MOBP: variants seen among roughly 807,000 people sequenced by gnomAD.
MOBP encodes myelin-associated oligodendrocyte basic protein.
A neutral mutation model predicts 15.0 loss-of-function variants in MOBP; 5 were observed. The observed-to-expected ratio is 0.33, with a 90% CI of 0.17 to 0.70. The LOEUF is 0.70. Ranked by LOEUF, MOBP falls within the 30% of genes least tolerant of loss-of-function variation. The probability of loss-of-function intolerance (pLI) is 0.67; values close to 1 mark genes in which losing one functional copy is unlikely to be tolerated. For missense variants in MOBP, 188 were observed against 257.8 expected (o/e 0.73, Z 1.85); for synonymous variants, 88 against 99.0 (o/e 0.89, Z 0.66).
intron 2 of MOBP, among the ~76,000 whole-genome samples, chr3:39,492,400 T>C (rs559560570): frequency 1.1e-4 from 17 of 152,262 alleles, no homozygotes; most frequent in East Asian, 1.9e-4. Context: ...GAAATAGTCA[T>C]GTTAGGGAAC....
chr3:39,509,244 T>C (rs581691), intron 4 of MOBP, among the ~76,000 whole-genome samples: 46,858 of 152,028 alleles, frequency 0.31, 9,473 homozygotes, highest in African/African-American at 0.58. Flanking sequence ...GGGTAAATAA[T>C]TGGGACTGGT....
Position 39,502,538 on chromosome 3 carries a change from C to T in MOBP, c.210C>T (p.Thr70=), listed in dbSNP as rs1252865772. The change falls in exon 4 of 4, where the codon ACC becomes ACT. Residue 70 remains threonine, a synonymous_variant. Coordinates refer to ENST00000684792, the MANE Select transcript of MOBP (RefSeq NM_001393704.1). The surrounding 1 kb of genome is among the most constrained non-coding windows in gnomAD (Gnocchi z 6.3). ...CAGCTTCTTTTGGCCCTCTCAGAAC[C>T]AGCCGCCGTGCCAAGTCCCCTCAGA... ...WICCACQKTR[T]SRRAKSPQRP... is the part of the protein sequence containing the mutation. 1.3e-6 allele frequency: 2 copies of T among 1,577,392 alleles called. No homozygotes were observed. Among genetic ancestry groups the T allele is most frequent in the South Asian group, 1.1e-5 (1 of 87,414 alleles).
rs561769963 is a variant in MOBP at position 39,482,708 on chromosome 3, C to T, written c.-5+2585C>T. 1.5e-4 allele frequency among the ~76,000 whole-genome samples: 22 copies of T among 150,750 alleles called. No individual in the cohort carries two copies. In the South Asian group the frequency reaches 3.8e-3, roughly 26 times the overall value. On this transcript the variant is annotated intron_variant, in intron 2 of 3. Coordinates refer to ENST00000684792, the MANE Select transcript of MOBP (RefSeq NM_001393704.1). ...TATGACATATTTCTACTTTAATATC[C>T]TTCAGTATATTAAGGATTTCCCTCC...
At chr3:39,475,994 G>A (rs534343594) in intron 1 of MOBP, among the ~76,000 whole-genome samples, 2 of 152,308 alleles carry the variant, frequency 1.3e-5, no homozygotes, top group East Asian at 3.9e-4. Context: ...GAAAAAAGAA[G>A]CTTAGTTGGC....
At chr3:39,513,720 C>T in exon 5 of MOBP, 1 of 383,492 alleles carries the variant, frequency 2.6e-6, no homozygotes, top group Non-Finnish European at 4.6e-6. Context: ...CCTTTCTTCT[C>T]CAGGATATGC....
At position 39,492,981 on chromosome 3, in the gene MOBP, T is replaced by G. The variant is rs114869599; in HGVS notation, c.-4-9085T>G. Among the ~76,000 whole-genome samples, 868 of 152,296 alleles carry G rather than the reference T, an allele frequency of 5.7e-3. 6 individuals carry two copies. The highest frequency in any genetic ancestry group is 0.01 in the Middle Eastern group (3 of 294). ...TCTATACCCGTTTGCATGTCTGACT[T>G]CCTGTGATACCATGCAGATATGAAG... is the stretch of plus-strand genomic sequence containing the variant. On this transcript the variant is annotated intron_variant, in intron 2 of 3. Coordinates refer to ENST00000684792, the MANE Select transcript of MOBP (RefSeq NM_001393704.1).
At chr3:39,498,867 G>C (rs564960449) in intron 2 of MOBP, among the ~76,000 whole-genome samples, 3 of 152,124 alleles carry the variant, frequency 2.0e-5, no homozygotes, top group Non-Finnish European at 4.4e-5. Context: ...ATGACTGGGC[G>C]GGGGTGCAGA....
intron 3 of MOBP, among the ~76,000 whole-genome samples, chr3:39,523,272 A>G (rs1412908316): frequency 6.6e-6 from 1 of 152,244 alleles, no homozygotes; most frequent in East Asian, 1.9e-4. Flanking sequence ...TCTACAGTTA[A>G]TATTTATAAA....
chr3:39,513,510 C>A, exon 5 of MOBP: 1 of 1,351,708 alleles, frequency 7.4e-7, no homozygotes, highest in Non-Finnish European at 1.0e-6. Context: ...AGTTATCTGG[C>A]TTCAAATATT....
At chr3:39,500,090 G>A in intron 2 of MOBP, 1 of 456,104 alleles carries the variant, frequency 2.2e-6, no homozygotes, top group South Asian at 1.6e-5. Context: ...TGAGCAGGAT[G>A]TTTATCTGCT....
chr3:39,503,093 T>G (rs892061402), downstream of MOBP: 4 of 486,174 alleles, frequency 8.2e-6, no homozygotes, highest in Non-Finnish European at 1.4e-5. Context: ...GCTGTGGCCA[T>G]TGCTTCCGTT....
chr3:39,486,185 G>A (rs2042705527), intron 2 of MOBP, among the ~76,000 whole-genome samples: 1 of 152,108 alleles, frequency 6.6e-6, no homozygotes, highest in Non-Finnish European at 1.5e-5. Context: ...TACCTTGGTT[G>A]GGGTCCTGGG....
At chr3:39,503,065 TG>T, downstream of MOBP, 1 of 522,740 alleles carries the variant, frequency 1.9e-6, no homozygotes, top group Non-Finnish European at 3.3e-6. Flanking sequence ...TAGGTGCTAT[TG>T]GTGCATACTT....
At chr3:39,521,016 G>T (rs181482830) in intron 3 of MOBP, among the ~76,000 whole-genome samples, 1 of 150,946 alleles carries the variant, frequency 6.6e-6, no homozygotes, top group South Asian at 2.1e-4. Context: ...GCACAATCTC[G>T]GCTCACTGCA....
chr3:39,497,393 A>G (rs1038261785), intron 2 of MOBP, among the ~76,000 whole-genome samples: 4 of 152,134 alleles, frequency 2.6e-5, no homozygotes, highest in Admixed American at 2.6e-4. Context: ...AGACTCATGG[A>G]TCTTTGAGAC....
chr3:39,468,859 G>T (rs1197518272), intron 1 of MOBP, among the ~76,000 whole-genome samples: 1 of 116,690 alleles, frequency 8.6e-6, no homozygotes, highest in Non-Finnish European at 1.6e-5. Flanking sequence ...ATACATGAGT[G>T]TGTATATATA....
chr3:39,479,816 T>C (rs1479188695), intron 1 of MOBP, among the ~76,000 whole-genome samples: 1 of 152,102 alleles, frequency 6.6e-6, no homozygotes, highest in Non-Finnish European at 1.5e-5. Context: ...ATAGCTTTTT[T>C]TTTTTCTGTA....
chr3:39,485,879 T>C (rs1421918634), intron 2 of MOBP, among the ~76,000 whole-genome samples: 1 of 152,232 alleles, frequency 6.6e-6, no homozygotes, highest in Non-Finnish European at 1.5e-5. Flanking sequence ...AGAATATTTG[T>C]AATATGATTG....
chr3:39,511,054 C>T (rs898538474), intron 4 of MOBP, among the ~76,000 whole-genome samples: 4 of 152,112 alleles, frequency 2.6e-5, no homozygotes, highest in African/African-American at 7.2e-5. Context: ...AAAATTGGCA[C>T]GAGCATTCTT....
Sources: allele counts gnomAD v4.1 joint callset (sites outside exome capture counted in the v4.1 genomes callset), GRCh38; gene constraint gnomAD v4.1.1; non-coding constraint Gnocchi (gnomAD v3.1); transcripts MANE v1.5; gene names NCBI Gene and HGNC (gene_info 2026-07-23, HGNC 2026-07-21).